AKAP1: variants seen among roughly 807,000 people sequenced by gnomAD.
AKAP1 encodes the protein A-kinase anchor protein 1, mitochondrial.
A neutral mutation model predicts 79.8 loss-of-function variants in AKAP1; 32 were observed. The ratio of observed to expected loss-of-function variants is 0.40; its 90% confidence interval spans 0.30 to 0.54. The LOEUF is 0.54. AKAP1 is among the 20% of genes least tolerant of loss of function. The pLI is 0.47. For synonymous variants in AKAP1, 416 were observed against 466.7 expected (o/e 0.89, Z 1.40); for missense variants, 961 against 1,138.9 (o/e 0.84, Z 2.25).
intron 1 of AKAP1, among the ~76,000 whole-genome samples, chr17:57,100,716 G>T (rs1229287939): frequency 2.6e-5 from 4 of 152,312 alleles, no homozygotes; most frequent in East Asian, 3.9e-4. Context: ...TGTTAGGTAG[G>T]ATTTGAATCT....
chr17:57,098,793 ACT>A (rs1914287890), intron 1 of AKAP1, among the ~76,000 whole-genome samples: 2 of 132,512 alleles, frequency 1.5e-5, no homozygotes, highest in African/African-American at 5.8e-5. Context: ...ACGGAGTCTC[ACT>A]CTGTTGCCCA....
intron 1 of AKAP1, chr17:57,092,067 T>C (rs1322845213): frequency 6.6e-6 from 1 of 152,138 alleles, no homozygotes; most frequent in Non-Finnish European, 1.5e-5. Context: ...AACTCTCTAA[T>C]AGTGTGGATT....
At chr17:57,115,040 G>A (rs1915493812) in intron 6 of AKAP1, among the ~76,000 whole-genome samples, 1 of 152,030 alleles carries the variant, frequency 6.6e-6, no homozygotes, top group Non-Finnish European at 1.5e-5. Context: ...TGCATATAAT[G>A]GTTACCACAA....
At chr17:57,089,804 A>C (rs761387567) in intron 1 of AKAP1, among the ~76,000 whole-genome samples, 1 of 152,212 alleles carries the variant, frequency 6.6e-6, no homozygotes, top group Non-Finnish European at 1.5e-5. Context: ...GTTTTGAAAC[A>C]GTTTGAGTGA....
chr17:57,095,775 G>A (rs1162025833), intron 1 of AKAP1: 2 of 152,076 alleles, frequency 1.3e-5, no homozygotes, highest in African/African-American at 4.8e-5. Flanking sequence ...TTTAAGTCAG[G>A]TTGTTGTCAG....
At chr17:57,097,188 C>T (rs1347830708) in intron 1 of AKAP1, among the ~76,000 whole-genome samples, 1 of 152,128 alleles carries the variant, frequency 6.6e-6, no homozygotes, top group African/African-American at 2.4e-5. Context: ...CAATTTATGT[C>T]CTGTCCCCCT....
chr17:57,111,044 C>T (rs1323971924), intron 3 of AKAP1, among the ~76,000 whole-genome samples: 1 of 152,086 alleles, frequency 6.6e-6, no homozygotes, highest in Non-Finnish European at 1.5e-5. Flanking sequence ...GGTTTCCTCC[C>T]TGGGGGGCCC....
rs1230047921 is a variant in AKAP1 at position 57,106,077 on chromosome 17, A to G, written c.613A>G (p.Thr205Ala). ...AAGAGAGACAGGTGGGGCCGAAGGG[A>G]CTGGTGATGCCGTGTTGGGGGAAAA... ...RARETGGAEG[T>A]GDAVLGEKVL... Residue 205 changes from threonine to alanine, a missense_variant, in exon 2 of 11, where the codon ACT (threonine) becomes GCT (alanine). Thr to Ala is a moderately conservative substitution (Grantham distance 58). This residue lies in a region of AKAP1 where 224 missense variants were observed against 210.2 expected (regional missense o/e 1.07). Transcript: ENST00000337714. 3 of 1,608,206 alleles carry G rather than the reference A, an allele frequency of 1.9e-6. No individual in the cohort carries two copies. Among genetic ancestry groups the G allele is most frequent in the Non-Finnish European group, 2.5e-6 (3 of 1,176,664 alleles).
chr17:57,118,218 G>A (rs1915705068), intron 8 of AKAP1, among the ~76,000 whole-genome samples, 163 bp from the exon 9 acceptor site: 1 of 152,134 alleles, frequency 6.6e-6, no homozygotes. Context: ...TCATATGGAG[G>A]CCTAGGCTCT....
intron 3 of AKAP1, 99 bp from the exon 4 acceptor site, chr17:57,111,699 T>C: frequency 1.4e-6 from 2 of 1,431,256 alleles, no homozygotes; most frequent in Non-Finnish European, 9.6e-7. Flanking sequence ...ACAGCTAATA[T>C]GTTTGAGCAT....
At chr17:57,103,145 A>G (rs1191949032) in intron 1 of AKAP1, among the ~76,000 whole-genome samples, 1 of 152,200 alleles carries the variant, frequency 6.6e-6, no homozygotes, top group Non-Finnish European at 1.5e-5. Flanking sequence ...TCCCTGAGGA[A>G]TTGATGTAAA....
chr17:57,120,560 C>T lies in AKAP1; in HGVS notation c.*236C>T, dbSNP rs2144803940. 3 of 325,028 alleles carry T rather than the reference C, an allele frequency of 9.2e-6. No individual in the cohort carries two copies. Among genetic ancestry groups the T allele is most frequent in the South Asian group, 1.2e-4 (1 of 8,188 alleles). The allele number at this position is 325,028 out of a possible 1,614,324, so 20.1% of individuals were successfully genotyped here. On this transcript the variant is annotated 3_prime_UTR_variant, in exon 11 of 11. Coordinates refer to ENST00000337714, the MANE Select transcript of AKAP1 (RefSeq NM_003488.4). ...ACAAGCCAGCTGGCTTATGCTGGTT[C>T]TCAGCTGTTTAAAAAAAAAAAAAAA... is the stretch of plus-strand genomic sequence containing the variant.
In AKAP1 at chr17:57,106,200, G is replaced by A. The variant is rs145117487; in HGVS notation, c.736G>A (p.Gly246Arg). Residue 246 changes from glycine (G) to arginine (R), a missense_variant, in exon 2 of 11, where the codon GGG becomes AGG. Gly to Arg is a moderately radical substitution (Grantham distance 125). Coordinates refer to ENST00000337714, the MANE Select transcript of AKAP1 (RefSeq NM_003488.4). ...LASLEGEEDK[G>R]KSSSSQVVGP... ...CTCTTTAGAGGGGGAAGAAGATAAG[G>A]GGAAGAGCAGCTCATCCCAGGTGGT... The A allele has an allele frequency of 3.1e-6, 5 of 1,614,048 alleles. No individual in the cohort carries two copies. The highest frequency in any genetic ancestry group is 4.2e-6 in the Non-Finnish European group (5 of 1,180,046).
chr17:57,097,159 C>A (rs1914164531), intron 1 of AKAP1, among the ~76,000 whole-genome samples: 1 of 152,282 alleles, frequency 6.6e-6, no homozygotes, highest in Non-Finnish European at 1.5e-5. Flanking sequence ...CCCTCCCATG[C>A]CCAAAGATAT....
chr17:57,119,601 G>A (rs1430989067), intron 10 of AKAP1, among the ~76,000 whole-genome samples: 1 of 151,884 alleles, frequency 6.6e-6, no homozygotes, highest in African/African-American at 2.4e-5. Flanking sequence ...TGTGATCCCA[G>A]CTGCTTGGGA....
intron 1 of AKAP1, among the ~76,000 whole-genome samples, chr17:57,096,930 A>T (rs1914147946): frequency 6.6e-6 from 1 of 152,090 alleles, no homozygotes; most frequent in Non-Finnish European, 1.5e-5. Context: ...GTCACATTTC[A>T]AGTGCTCAGT....
intron 1 of AKAP1, among the ~76,000 whole-genome samples, chr17:57,097,180 A>G (rs1038510476): frequency 1.1e-4 from 17 of 152,118 alleles, no homozygotes; most frequent in African/African-American, 3.9e-4. Context: ...TAGAACCTCA[A>G]TTTATGTCCT....
At chr17:57,108,491 G>A (rs1190868958) in intron 2 of AKAP1, among the ~76,000 whole-genome samples, 5 of 152,218 alleles carry the variant, frequency 3.3e-5, no homozygotes, top group African/African-American at 7.2e-5. Context: ...AACAAGCCCC[G>A]CAGCCTTGTC....
At chr17:57,104,319 G>A (rs11654787) in intron 1 of AKAP1, among the ~76,000 whole-genome samples, 60 of 152,266 alleles carry the variant, frequency 3.9e-4, no homozygotes, top group Non-Finnish European at 7.9e-4. Flanking sequence ...ACAATTTGAT[G>A]TGTGTGCCTT....
Sources: allele counts gnomAD v4.1 joint callset (sites outside exome capture counted in the v4.1 genomes callset), GRCh38; gene constraint gnomAD v4.1.1; regional missense constraint gnomAD v4.1.1; transcripts MANE v1.5; gene names NCBI Gene and HGNC (gene_info 2026-07-23, HGNC 2026-07-21).